Variants in ATP11C observed in about 807,000 individuals in gnomAD.
ATP11C encodes the protein ATPase phospholipid transporting 11C (ATP11C blood group), also known as phospholipid-transporting ATPase IG.
ATP11C carries 36 observed loss-of-function variants against 97.4 expected under a neutral mutation model. The ratio of observed to expected loss-of-function variants is 0.37; its 90% CI spans 0.28 to 0.49. The LOEUF (loss-of-function observed/expected upper bound fraction) is 0.49. Among genes scored for constraint, ATP11C ranks in the 20% least tolerant of loss-of-function variants. The probability of loss-of-function intolerance (pLI) is 0.98; values close to 1 mark genes in which losing one functional copy is unlikely to be tolerated. For synonymous variants in ATP11C, 275 were observed against 290.9 expected, an observed-to-expected ratio of 0.95 and a Z score of 0.56; for missense variants, 730 against 824.6, an observed-to-expected ratio of 0.89 and a Z score of 1.40.
intron 18 of ATP11C, among the ~76,000 whole-genome samples, chrX:139,779,114 G>A (rs1417406281): frequency 1.8e-5 from 2 of 111,613 alleles, no homozygotes; most frequent in African/African-American, 6.5e-5. Context: ...CCTAAGGAAA[G>A]AGACAGAGAG....
chrX:139,928,892 G>C (rs772878038), intron 1 of ATP11C, among the ~76,000 whole-genome samples: 20 of 112,009 alleles, frequency 1.8e-4, no homozygotes, highest in South Asian at 1.1e-3. Context: ...ACTTTATCAA[G>C]AAATCTCTTA....
intron 1 of ATP11C, among the ~76,000 whole-genome samples, chrX:139,890,621 T>C (rs995427394): frequency 1.8e-5 from 2 of 111,862 alleles, no homozygotes; most frequent in African/African-American, 3.3e-5. Context: ...CTATAGAAAC[T>C]TGTATTTATT....
chrX:139,934,493 T>A (rs1336180259), upstream of ATP11C, among the ~76,000 whole-genome samples: 1 of 110,797 alleles, frequency 9.0e-6, no homozygotes, highest in Non-Finnish European at 1.9e-5. Context: ...TCTAAAGTTT[T>A]GCTCTCTACT....
At chrX:139,760,496 T>C (rs1017058807) in intron 22 of ATP11C, among the ~76,000 whole-genome samples, 1 of 112,034 alleles carries the variant, frequency 8.9e-6, no homozygotes, top group Non-Finnish European at 1.9e-5. Flanking sequence ...GGTGCTGAGC[T>C]TTAACTCTTA....
At position 139,829,830 on chromosome X, in the gene ATP11C, T is replaced by C. The variant is rs921446941; in HGVS notation, c.28-3007A>G. ...TTTGTACTCCTAATTTATACCTCCA[T>C]AGTATAAACTGAATGCTGTAAAAAA... On this transcript the variant is annotated intron_variant, in intron 1 of 29. Transcript: ENST00000682941. Among the ~76,000 whole-genome samples the C allele has an allele frequency of 4.5e-5, 5 of 111,550 alleles. No individual in the cohort carries two copies. In the Admixed American group the frequency reaches 4.8e-4, roughly 11 times the overall value.
intron 5 of ATP11C, among the ~76,000 whole-genome samples, chrX:139,808,606 A>G (rs1350023623): frequency 1.8e-5 from 2 of 111,715 alleles, no homozygotes; most frequent in Admixed American, 1.9e-4. Context: ...CTAACCCATA[A>G]TTCTATATAG....
chrX:139,762,136 A>T (rs752568184), intron 21 of ATP11C, 30 bp from the exon 22 acceptor site: 66 of 1,063,162 alleles, frequency 6.2e-5, no homozygotes, highest in Non-Finnish European at 7.9e-5. Flanking sequence ...TATGGTGAGC[A>T]TTTTCTAGAA....
chrX:139,839,485 C>T (rs1431866279), intron 1 of ATP11C, among the ~76,000 whole-genome samples: 1 of 111,552 alleles, frequency 9.0e-6, no homozygotes, highest in African/African-American at 3.3e-5. Flanking sequence ...TTATTGAGCT[C>T]CTACTATGTG....
intron 1 of ATP11C, among the ~76,000 whole-genome samples, chrX:139,879,965 G>C (rs2084535735): frequency 9.0e-6 from 1 of 111,119 alleles, no homozygotes; most frequent in Non-Finnish European, 1.9e-5. Flanking sequence ...TGCTTGATCT[G>C]GATGGTGATT....
At chrX:139,898,780 A>G (rs1408943438) in intron 1 of ATP11C, among the ~76,000 whole-genome samples, 1 of 112,180 alleles carries the variant, frequency 8.9e-6, no homozygotes, top group Non-Finnish European at 1.9e-5. Flanking sequence ...CTCACTCAGC[A>G]AGAAATGATA....
At chrX:139,826,864 ATTTGTCCACAC>A in intron 1 of ATP11C, 41 bp from the exon 2 acceptor site, 1 of 1,172,158 alleles carries the variant, frequency 8.5e-7, no homozygotes, top group Non-Finnish European at 1.1e-6. Context: ...TTTTCATCAC[ATTTGTCCACAC>A]TTCTACCAAG....
intron 1 of ATP11C, among the ~76,000 whole-genome samples, chrX:139,855,299 CTTGGT>C (rs1233979755): frequency 8.9e-6 from 1 of 112,050 alleles, no homozygotes; most frequent in East Asian, 2.8e-4. Flanking sequence ...AAATTATATA[CTTGGT>C]TTATCTTCCA....
chrX:139,731,733 G>A lies in ATP11C; in HGVS notation c.3311C>T (p.Ala1104Val). The change falls in exon 29 of 30, where the codon GCA (alanine) becomes GTA (valine). Residue 1104 changes from alanine (A) to valine (V), a missense_variant. Ala to Val is a moderately conservative substitution (Grantham distance 64). Coordinates refer to ENST00000682941, the MANE Select transcript of ATP11C (RefSeq NM_001353812.2). ...SARRNLSCRR[A>V]SDSLSARPSV... ...AGGTCTGGCGGATAATGAGTCAGATGCCCTTCTACAGCTCAGATTTCTCTG... is the reference window on the plus strand; with the variant it reads ...AGGTCTGGCGGATAATGAGTCAGATACCCTTCTACAGCTCAGATTTCTCTG... 1 of 1,189,039 alleles carries A rather than the reference G, an allele frequency of 8.4e-7. No homozygotes were observed.
intron 28 of ATP11C, chrX:139,737,693 C>T (rs17328640): frequency 0.056 from 25,339 of 450,782 alleles, 1,723 homozygotes; most frequent in East Asian, 0.33. Context: ...TATGGATTGC[C>T]GAAGGTCACA....
In ATP11C at chrX:139,728,466, T is replaced by C. The variant is rs2081284705; in HGVS notation, c.*500A>G. On this transcript the variant is annotated 3_prime_UTR_variant, in exon 30 of 30. Coordinates refer to ENST00000682941, the MANE Select transcript of ATP11C (RefSeq NM_001353812.2). ...ATTCTGTATTTTCAAGTATTCCTTA[T>C]GTACTTGGGAAAAAAAATTAAGATG... 8.6e-6 allele frequency: 1 copy of C among 115,722 alleles called. No homozygotes were observed. The highest frequency in any genetic ancestry group is 3.5e-4 in the South Asian group (1 of 2,863). 9.5% of individuals were successfully genotyped at this position (115,722 alleles called of 1,213,427 possible).
chrX:139,912,168 C>CT lies in ATP11C; in HGVS notation c.27+19847dup, dbSNP rs113358850. On this transcript the variant is annotated intron_variant, in intron 1 of 29. Coordinates refer to ENST00000682941, the MANE Select transcript of ATP11C (RefSeq NM_001353812.2). ...CCAGCCTGAGAGACAGAGTAAGACTCTGTCTCAAAAAAAAAAAAAAAAAAA... is the reference window on the plus strand; with the variant it reads ...CCAGCCTGAGAGACAGAGTAAGACTCTTGTCTCAAAAAAAAAAAAAAAAAAA... 2.9e-3 allele frequency among the ~76,000 whole-genome samples: 216 copies of CT among 73,884 alleles called. 2 individuals carry two copies. Among genetic ancestry groups the CT allele is most frequent in the African/African-American group, 0.011 (180 of 16,050 alleles). 64.2% of individuals were successfully genotyped at this position (73,884 alleles called of 115,157 possible).
chrX:139,852,396 G>T (rs1158577850), intron 1 of ATP11C, among the ~76,000 whole-genome samples: 1 of 89,932 alleles, frequency 1.1e-5, no homozygotes, highest in Non-Finnish European at 2.2e-5. Flanking sequence ...GGTGGCCTCA[G>T]GGGTGAGAAA....
At chrX:139,912,131 C>T (rs1483606942) in intron 1 of ATP11C, among the ~76,000 whole-genome samples, 3 of 100,639 alleles carry the variant, frequency 3.0e-5, no homozygotes, top group Non-Finnish European at 6.0e-5. Context: ...GCCAAGATCA[C>T]CCCACTGCAC....
chrX:139,857,136 G>A (rs752362402), intron 1 of ATP11C, among the ~76,000 whole-genome samples: 1 of 111,222 alleles, frequency 9.0e-6, no homozygotes, highest in Non-Finnish European at 1.9e-5. Flanking sequence ...TAATCTTGTC[G>A]GGTGCTGTGT....
Sources: gnomAD v4.1 joint callset for allele counts (sites outside exome capture counted in the v4.1 genomes callset) on GRCh38, gnomAD v4.1.1 for gene constraint, MANE v1.5 for transcripts, NCBI Gene and HGNC (gene_info 2026-07-23, HGNC 2026-07-21) for gene names.